Variants in AGT observed in about 807,000 individuals in gnomAD.
AGT encodes the protein angiotensinogen.
AGT carries 26 observed loss-of-function variants against 28.1 expected under a neutral mutation model. That is an observed-to-expected ratio of 0.92 (90% CI 0.68 to 1.28). The LOEUF (loss-of-function observed/expected upper bound fraction) is 1.28, where lower values mean the gene tolerates loss of function less well. Ranked by LOEUF, AGT falls within the 50% of genes most tolerant of loss-of-function variation. The probability of loss-of-function intolerance (pLI) is 0.00; values close to 1 mark genes in which losing one functional copy is unlikely to be tolerated. For missense variants in AGT, 596 were observed against 592.3 expected (o/e 1.01, Z -0.06); for synonymous variants, 259 against 259.6 (o/e 1.00, Z 0.02).
intron 1 of AGT, among the ~76,000 whole-genome samples, chr1:230,728,324 G>T (rs959865614): frequency 2.6e-5 from 4 of 152,128 alleles, no homozygotes; most frequent in African/African-American, 7.2e-5. Flanking sequence ...CAGAATTCAG[G>T]CCCCTCTCAT....
In AGT at chr1:230,711,772, G is replaced by T. The variant is rs147280884; in HGVS notation, c.-30-919C>A. Among the ~76,000 whole-genome samples, 606 of 151,226 alleles carry T rather than the reference G, an allele frequency of 4.0e-3. 7 individuals are homozygous for T. The highest frequency in any genetic ancestry group is 0.018 in the South Asian group (85 of 4,794). On this transcript the variant is annotated intron_variant, in intron 1 of 4. Coordinates refer to ENST00000366667, the MANE Select transcript of AGT (RefSeq NM_001384479.1). ...AAGGCATGCATACCTAGCATGGCTT[G>T]CCCAATGATAGTTGGATTCCTTAGT... is the stretch of plus-strand genomic sequence containing the variant.
chr1:230,744,208 G>T (rs995036302), intron 1 of AGT, among the ~76,000 whole-genome samples: 1 of 152,186 alleles, frequency 6.6e-6, no homozygotes, highest in Non-Finnish European at 1.5e-5. Context: ...ACCTTAGATT[G>T]CATGGCTGCA....
At chr1:230,709,036 C>T (rs1663479019) in intron 2 of AGT, among the ~76,000 whole-genome samples, 1 of 152,188 alleles carries the variant, frequency 6.6e-6, no homozygotes, top group African/African-American at 2.4e-5. Context: ...GCCCTCACTG[C>T]CAGGCAAGGC....
chr1:230,706,617 G>T (rs11568039), intron 2 of AGT, among the ~76,000 whole-genome samples: 17 of 152,090 alleles, frequency 1.1e-4, no homozygotes, highest in Admixed American at 1.0e-3. Context: ...GTGACTTTAG[G>T]TTCACAGCAA....
At chr1:230,727,527 T>G (rs1225444078) in intron 1 of AGT, among the ~76,000 whole-genome samples, 1 of 152,228 alleles carries the variant, frequency 6.6e-6, no homozygotes, top group Non-Finnish European at 1.5e-5. Context: ...TTTATGCCAT[T>G]AAGTGTGAAA....
chr1:230,705,907 T>A, intron 3 of AGT, 26 bp downstream of exon 3: 1 of 1,613,330 alleles, frequency 6.2e-7, no homozygotes, highest in South Asian at 1.1e-5. Flanking sequence ...GCTCCCACAT[T>A]CCAGGGGAGA....
At chr1:230,728,727 G>A (rs905039933) in intron 1 of AGT, among the ~76,000 whole-genome samples, 2 of 152,078 alleles carry the variant, frequency 1.3e-5, no homozygotes, top group African/African-American at 4.8e-5. Context: ...ACAGAGAAGG[G>A]GAGAAAAGGT....
At position 230,734,883 on chromosome 1, in the gene AGT, T is replaced by A. The variant is rs1664127610; in HGVS notation, c.-31+10632A>T. Among the ~76,000 whole-genome samples, 3 of 151,976 alleles carry A rather than the reference T, an allele frequency of 2.0e-5. No homozygotes were observed. The South Asian group carries it at 6.2e-4, about 32-fold the overall frequency. On this transcript the variant is annotated intron_variant, in intron 1 of 4. Coordinates refer to the AGT transcript ENST00000681269. ...TGCCACCACGCCTGGCTAACTTTTT[T>A]TTTTGTATGTTTAGTAGAGACAGGG...
upstream of AGT, among the ~76,000 whole-genome samples, chr1:230,715,364 G>A (rs762125844): frequency 1.3e-4 from 20 of 152,080 alleles, no homozygotes; most frequent in African/African-American, 4.8e-4. Flanking sequence ...CGACTTAGAG[G>A]TGGCTTTGTC....
chr1:230,725,692 G>A (rs983920187), intron 1 of AGT, among the ~76,000 whole-genome samples: 3 of 152,162 alleles, frequency 2.0e-5, no homozygotes, highest in African/African-American at 7.2e-5. Flanking sequence ...TTAATGTTCA[G>A]TTCTTCTACA....
At position 230,703,308 on chromosome 1, in the gene AGT, CA is replaced by C. The variant is rs387906578; in HGVS notation, c.1263del (p.Phe421LeufsTer25). 1 of 1,613,550 alleles carries C rather than the reference CA, an allele frequency of 6.2e-7. No homozygotes were observed. The highest frequency in any genetic ancestry group is 1.1e-5 in the South Asian group (1 of 91,046). On this transcript the variant is annotated frameshift_variant, in exon 5 of 5. Coordinates refer to ENST00000366667, the MANE Select transcript of AGT (RefSeq NM_001384479.1). LOFTEE classifies it low-confidence loss of function (END_TRUNC). The part of the protein sequence containing the change: ...RVGEVLNSIF[F>X]ELEADEREPT... ...GGCTCTCTCTCATCCGCTTCAAGCT[CA>C]AAAAAAATGCTGTTCAGCACCTGCA...
At chr1:230,732,337 A>C (rs1664084003) in intron 1 of AGT, among the ~76,000 whole-genome samples, 1 of 151,902 alleles carries the variant, frequency 6.6e-6, no homozygotes, top group Non-Finnish European at 1.5e-5. Flanking sequence ...TCTTCATTGC[A>C]ATATTTCCAC....
chr1:230,707,899 G>A (rs1014424556), intron 2 of AGT, among the ~76,000 whole-genome samples: 4 of 152,152 alleles, frequency 2.6e-5, no homozygotes, highest in African/African-American at 9.7e-5. Flanking sequence ...CAGGGCCAGC[G>A]CCCCATGCTC....
chr1:230,722,797 A>G (rs1663873620), intron 1 of AGT, among the ~76,000 whole-genome samples: 1 of 152,168 alleles, frequency 6.6e-6, no homozygotes, highest in African/African-American at 2.4e-5. Flanking sequence ...ACAGGCTCCT[A>G]GGCAGAAGGG....
At chr1:230,742,031 G>A (rs1439485571) in intron 1 of AGT, among the ~76,000 whole-genome samples, 5 of 152,064 alleles carry the variant, frequency 3.3e-5, no homozygotes, top group Admixed American at 2.0e-4. Context: ...ACTCCAGCCT[G>A]AGTGACAGAG....
rs1190980228 is a variant in AGT, at chr1:230,706,200, C to T, written c.830G>A (p.Gly277Glu). ...LAFNTYVHFQ[G>E]KMKGFSLLAE... is the part of the protein sequence containing the mutation. ...CAGCAGGGAGAAGCCCTTCATCTTC[C>T]CTGAAATCCAGACAGGAGACAGGGA... Residue 277 changes from glycine (G) to glutamate (E), a missense_variant and splice_region_variant, in exon 3 of 5, where the codon GGG becomes GAG. Coordinates refer to ENST00000366667, the MANE Select transcript of AGT (RefSeq NM_001384479.1). 1.2e-6 allele frequency: 2 copies of T among 1,613,056 alleles called. No individual in the cohort carries two copies. The highest frequency in any genetic ancestry group is 1.7e-6 in the Non-Finnish European group (2 of 1,179,440).
intron 1 of AGT, among the ~76,000 whole-genome samples, chr1:230,734,613 T>C (rs1346576556): frequency 8.0e-6 from 1 of 124,922 alleles, no homozygotes; most frequent in Admixed American, 9.2e-5. Context: ...TGTGTGTATG[T>C]GTGTGTGTGT....
intron 1 of AGT, among the ~76,000 whole-genome samples, chr1:230,720,830 T>C (rs1663829206): frequency 6.6e-6 from 1 of 152,200 alleles, no homozygotes; most frequent in African/African-American, 2.4e-5. Flanking sequence ...CACCTTCTGG[T>C]AGGGAGACCA....
At chr1:230,724,763 C>T (rs184861588) in intron 1 of AGT, among the ~76,000 whole-genome samples, 181 of 152,256 alleles carry the variant, frequency 1.2e-3, no homozygotes, top group Non-Finnish European at 1.9e-3. Context: ...GAGGTCAAAG[C>T]TGCAGTGAGC....
Sources: gnomAD v4.1 joint callset for allele counts (sites outside exome capture counted in the v4.1 genomes callset) on GRCh38, gnomAD v4.1.1 for gene constraint, MANE v1.5 for transcripts, NCBI Gene and HGNC (gene_info 2026-07-23, HGNC 2026-07-21) for gene names.